Variants in SULF2 observed in about 807,000 individuals in gnomAD.
The protein encoded by SULF2 is extracellular sulfatase Sulf-2.
In SULF2, 52 loss-of-function variants were observed where a neutral mutation model predicts 107.7. That is an observed-to-expected ratio of 0.48 (90% confidence interval 0.39 to 0.61). The LOEUF (loss-of-function observed/expected upper bound fraction) is 0.61. SULF2 is among the 20% of genes least tolerant of loss of function. The probability of loss-of-function intolerance (pLI) is 0.00; values close to 1 mark genes in which losing one functional copy is unlikely to be tolerated. For missense variants in SULF2, 993 were observed against 1,177.3 expected (o/e 0.84, Z 2.29); for synonymous variants, 460 against 464.3 (o/e 0.99, Z 0.12).
chr20:47,724,865 T>A (rs1600578781), intron 3 of SULF2, among the ~76,000 whole-genome samples: 4 of 152,326 alleles, frequency 2.6e-5, no homozygotes, highest in African/African-American at 9.6e-5. Context: ...CCCATTTCTA[T>A]GACAAATATT....
intron 17 of SULF2, 69 bp downstream of exon 17, chr20:47,663,001 T>G: frequency 6.4e-7 from 1 of 1,560,804 alleles, no homozygotes. Flanking sequence ...TCCCTGAGGT[T>G]GGGGGGGGCC....
chr20:47,699,436 G>A (rs2088490736), intron 4 of SULF2, among the ~76,000 whole-genome samples: 1 of 151,612 alleles, frequency 6.6e-6, no homozygotes, highest in African/African-American at 2.4e-5. Flanking sequence ...TACATAGTAG[G>A]TGCTCAGGGG....
chr20:47,782,234 C>T (rs1196218910), intron 1 of SULF2, among the ~76,000 whole-genome samples: 1 of 152,210 alleles, frequency 6.6e-6, no homozygotes, highest in Non-Finnish European at 1.5e-5. Context: ...TGTACCCTGA[C>T]ACCCAACTGT....
chr20:47,727,061 G>T (rs1055096199), intron 3 of SULF2, among the ~76,000 whole-genome samples: 3 of 151,622 alleles, frequency 2.0e-5, no homozygotes, highest in African/African-American at 7.3e-5. Context: ...GCCTTTATGG[G>T]GGGGGGCGGG....
chr20:47,762,174 G>C (rs1344680882), intron 1 of SULF2, among the ~76,000 whole-genome samples: 1 of 152,220 alleles, frequency 6.6e-6, no homozygotes, highest in Non-Finnish European at 1.5e-5. Context: ...AGTGGCCCAT[G>C]TCCCTCCATC....
intron 2 of SULF2, among the ~76,000 whole-genome samples, chr20:47,739,011 G>A (rs1419909619): frequency 6.6e-6 from 1 of 152,190 alleles, no homozygotes; most frequent in African/African-American, 2.4e-5. Flanking sequence ...AGCAGAGACT[G>A]GAGGGATGCA....
At position 47,684,514 on chromosome 20, in the gene SULF2, T is replaced by C. The variant is rs1167663801; in HGVS notation, c.805A>G (p.Lys269Glu). 2.5e-6 allele frequency: 4 copies of C among 1,614,126 alleles called. No individual in the cohort carries two copies. In the African/African-American group the frequency reaches 5.3e-5, roughly 22 times the overall value. The change falls in exon 6 of 21, where the codon AAG becomes GAG. Residue 269 changes from lysine to glutamate, a missense_variant. Physicochemically the swap from Lys to Glu is moderately conservative, Grantham distance 56 (BLOSUM62 1). Coordinates refer to ENST00000688720, the MANE Select transcript of SULF2 (RefSeq NM_001387048.1). ...HWIMRYTGPM[K>E]PIHMEFTNML... ...TTGGTGAATTCCATGTGGATGGGCT[T>C]CATGGGCCCCGTGTAGCGCATGATC...
At position 47,665,300 on chromosome 20, in the gene SULF2, G is replaced by A. The variant is rs2087223552; in HGVS notation, c.1903-7C>T. On this transcript the variant is annotated splice_region_variant and splice_polypyrimidine_tract_variant and intron_variant, in intron 13 of 20. Coordinates refer to ENST00000688720, the MANE Select transcript of SULF2 (RefSeq NM_001387048.1). The stretch of plus-strand genomic sequence containing the variant: ...TGTTCTGCAGGGTTTCAATCTGAGG[G>A]AGGGGCAGAAGAGGAGGCCTTGAAA... 3 of 1,594,070 alleles carry A rather than the reference G, an allele frequency of 1.9e-6. No homozygotes were observed. Among genetic ancestry groups the A allele is most frequent in the Non-Finnish European group, 2.6e-6 (3 of 1,161,982 alleles).
intron 3 of SULF2, among the ~76,000 whole-genome samples, chr20:47,730,460 C>T (rs1391573398): frequency 2.0e-5 from 3 of 151,576 alleles, no homozygotes; most frequent in Non-Finnish European, 4.4e-5. Flanking sequence ...GTTGTTGTTA[C>T]TTTTTTTTTG....
chr20:47,736,913 G>T lies in SULF2; in HGVS notation c.205C>A (p.Arg69Ser), dbSNP rs549518880. The T allele has an allele frequency of 5.0e-6, 8 of 1,614,202 alleles. No individual in the cohort carries two copies. The South Asian group carries it at 8.8e-5, about 18-fold the overall frequency. ...TGCGCCCCGCCCTGCTCCATGATGC[G>T]CCGGGTCTTGTTCATCACCTGCATG... ...GSMQVMNKTR[R>S]IMEQGGAHFI... Residue 69 changes from arginine to serine, a missense_variant, in exon 3 of 21, where the codon CGC becomes AGC. Around this residue, in one of 3 missense-constraint regions of SULF2, gnomAD observed 388 missense variants for 449.2 expected, o/e 0.86. Transcript: ENST00000688720.
chr20:47,736,972 G>T, intron 2 of SULF2, 30 bp from the exon 3 acceptor site: 1 of 1,612,192 alleles, frequency 6.2e-7, no homozygotes. Context: ...GTAAGGCGCA[G>T]GGCAGGAGAC....
Position 47,663,433 on chromosome 20 carries a change from C to T in SULF2, c.2227+20G>A. 1.2e-6 allele frequency: 2 copies of T among 1,605,490 alleles called. No homozygotes were observed. Among genetic ancestry groups the T allele is most frequent in the East Asian group, 2.2e-5 (1 of 44,878 alleles). ...ACCCCTGGGCCTCAGCCTGTCCACC[C>T]CTGCCCTGGGCTTGCTCACGTGTCC... On this transcript the variant is annotated intron_variant, in intron 16 of 20. Transcript: ENST00000688720.
intron 3 of SULF2, among the ~76,000 whole-genome samples, chr20:47,728,812 ATTTTTGTAT>A (rs1358878095): frequency 6.6e-6 from 1 of 151,910 alleles, no homozygotes; most frequent in African/African-American, 2.4e-5. Context: ...CATCCAGCTA[ATTTTTGTAT>A]TTTTAGTAGA....
Position 47,678,845 on chromosome 20 carries a change from G to A in SULF2, c.1065-41C>T. 1 of 1,601,262 alleles carries A rather than the reference G, an allele frequency of 6.2e-7. No homozygotes were observed. ...GATCGGGGACTCAGTCACTCAGGTG[G>A]TGGTGCCTCAGCCTCGCGTGGGGGG... On this transcript the variant is annotated intron_variant, in intron 7 of 20. Coordinates refer to ENST00000688720, the MANE Select transcript of SULF2 (RefSeq NM_001387048.1). This position sits in a 1 kb window ranked among gnomAD's most constrained non-coding sequence, Gnocchi z 4.5.
chr20:47,780,633 A>G (rs1197993859), intron 1 of SULF2, among the ~76,000 whole-genome samples: 1 of 152,012 alleles, frequency 6.6e-6, no homozygotes. Flanking sequence ...AGCTCACTGC[A>G]ACCTCCGACT....
Position 47,690,227 on chromosome 20 carries a change from C to A in SULF2, c.636G>T (p.Pro212=). 2 of 1,569,262 alleles carry A rather than the reference C, an allele frequency of 1.3e-6. No homozygotes were observed. Among genetic ancestry groups the A allele is most frequent in the Non-Finnish European group, 8.7e-7 (1 of 1,154,244 alleles). Residue 212 remains proline, a synonymous_variant, in exon 5 of 21, where the codon CCG becomes CCT. Coordinates refer to ENST00000688720, the MANE Select transcript of SULF2 (RefSeq NM_001387048.1). ...TGATGACCATGAGGACTGGCCTGTGCGGGTACATCTTCTTGGACGTGCGGA... is the reference window on the plus strand; with the variant it reads ...TGATGACCATGAGGACTGGCCTGTGAGGGTACATCTTCTTGGACGTGCGGA... ...SFFRTSKKMY[P]HRPVLMVISH...
chr20:47,741,316 C>T (rs1336452255), intron 2 of SULF2, among the ~76,000 whole-genome samples: 3 of 151,342 alleles, frequency 2.0e-5, no homozygotes, highest in African/African-American at 2.4e-5. Context: ...ACTGACCAGG[C>T]GTGCTCCCAT....
rs558242860 is a variant in SULF2, at chr20:47,735,325, C to A, written c.415+1378G>T. 7.3e-3 allele frequency among the ~76,000 whole-genome samples: 1,107 copies of A among 152,196 alleles called. 14 individuals are homozygous for A. The highest frequency in any genetic ancestry group is 0.024 in the African/African-American group (995 of 41,520). On this transcript the variant is annotated intron_variant, in intron 3 of 20. Transcript: ENST00000688720. ...TCCTCAGACATATTTTCTTTGGCCCCCAGTATACATTAAAGAAAAAATAAG... is the reference window on the plus strand; with the variant it reads ...TCCTCAGACATATTTTCTTTGGCCCACAGTATACATTAAAGAAAAAATAAG...
intron 1 of SULF2, among the ~76,000 whole-genome samples, chr20:47,783,817 T>G (rs2090873671): frequency 6.6e-6 from 1 of 152,164 alleles, no homozygotes; most frequent in Admixed American, 6.5e-5. Context: ...CCTTTCAAGC[T>G]GCTTATTAGA....
Sources: allele counts gnomAD v4.1 joint callset (sites outside exome capture counted in the v4.1 genomes callset), GRCh38; gene constraint gnomAD v4.1.1; regional missense constraint gnomAD v4.1.1; non-coding constraint Gnocchi (gnomAD v3.1); transcripts MANE v1.5; gene names NCBI Gene and HGNC (gene_info 2026-07-23, HGNC 2026-07-21).